NAV3: variants seen among roughly 807,000 people sequenced by gnomAD.
The protein encoded by NAV3 is pore membrane and/or filament interacting like protein 1.
A neutral mutation model predicts 244.7 loss-of-function variants in NAV3; 87 were observed. The ratio of observed to expected loss-of-function variants is 0.36; its 90% CI spans 0.30 to 0.42. The LOEUF (loss-of-function observed/expected upper bound fraction) is 0.42, where lower values mean the gene tolerates loss of function less well. NAV3 is among the 20% of genes least tolerant of loss of function. The probability of loss-of-function intolerance (pLI) is 1.00; values close to 1 mark genes in which losing one functional copy is unlikely to be tolerated. For synonymous variants in NAV3, 1,126 were observed against 1,042.2 expected (o/e 1.08, Z -1.55); for missense variants, 2,663 against 2,893.3 (o/e 0.92, Z 1.83).
At chr12:78,050,673 C>T (rs1882609827) in intron 10 of NAV3, 91 bp from the exon 11 acceptor site, 1 of 1,340,240 alleles carries the variant, frequency 7.5e-7, no homozygotes, top group Non-Finnish European at 1.0e-6. Flanking sequence ...TAAGAGATGA[C>T]CCTCAACTCC....
At chr12:78,179,727 A>C in intron 29 of NAV3, 45 bp downstream of exon 29, 2 of 1,570,972 alleles carry the variant, frequency 1.3e-6, no homozygotes, top group South Asian at 2.3e-5. Context: ...AGAAACAAAA[A>C]AATGCTGCTT....
intron 3 of NAV3, chr12:77,947,502 A>T (rs1890469740): frequency 6.6e-6 from 1 of 151,828 alleles, no homozygotes; most frequent in Admixed American, 6.6e-5. Context: ...AGGTTTAATA[A>T]AATCTTATAT....
At chr12:77,871,054 C>G (rs1056390014) in intron 1 of NAV3, among the ~76,000 whole-genome samples, 1 of 152,136 alleles carries the variant, frequency 6.6e-6, no homozygotes, top group African/African-American at 2.4e-5. Flanking sequence ...ACCGGCCCAT[C>G]ATAGGAGGCC....
intron 2 of NAV3, among the ~76,000 whole-genome samples, chr12:77,771,195 A>G (rs1173212443): frequency 6.6e-6 from 1 of 152,226 alleles, no homozygotes; most frequent in African/African-American, 2.4e-5. Context: ...AGAGAAATGC[A>G]AATCAAAACC....
chr12:78,017,939 GT>G (rs1159078441), intron 8 of NAV3, among the ~76,000 whole-genome samples: 4 of 152,150 alleles, frequency 2.6e-5, no homozygotes, highest in Non-Finnish European at 5.9e-5. Flanking sequence ...AAATTATGAG[GT>G]GGAAATACTA....
chr12:78,014,094 T>C (rs777903804), intron 8 of NAV3, among the ~76,000 whole-genome samples: 1 of 152,046 alleles, frequency 6.6e-6, no homozygotes, highest in Non-Finnish European at 1.5e-5. Flanking sequence ...TTCAAGGACA[T>C]GTGAAATAAA....
chr12:77,977,712 G>GCACACACACACA (rs540138192), intron 5 of NAV3, among the ~76,000 whole-genome samples: 76 of 143,080 alleles, frequency 5.3e-4, no homozygotes, highest in African/African-American at 1.4e-3. Context: ...ACACACACGC[G>GCACACACACACA]CACACACACA....
At chr12:77,888,820 G>A (rs1883604411) in intron 1 of NAV3, among the ~76,000 whole-genome samples, 1 of 152,130 alleles carries the variant, frequency 6.6e-6, no homozygotes, top group African/African-American at 2.4e-5. Context: ...TCTCAGAGAG[G>A]TGAGTCATAT....
intron 2 of NAV3, among the ~76,000 whole-genome samples, chr12:77,743,816 T>C (rs998476716): frequency 6.6e-6 from 1 of 151,758 alleles, no homozygotes; most frequent in Non-Finnish European, 1.5e-5. Flanking sequence ...TGACCATATC[T>C]CCATAATCAT....
At chr12:78,048,330 T>C (rs1011902731) in intron 9 of NAV3, among the ~76,000 whole-genome samples, 1 of 152,196 alleles carries the variant, frequency 6.6e-6, no homozygotes, top group Non-Finnish European at 1.5e-5. Flanking sequence ...TTTGCACTGT[T>C]TTTTTTCTCA....
intron 2 of NAV3, among the ~76,000 whole-genome samples, chr12:77,641,882 C>T (rs952631180): frequency 6.6e-6 from 1 of 152,130 alleles, no homozygotes; most frequent in African/African-American, 2.4e-5. Context: ...GGGAAAGCAA[C>T]ACCCAACCAA....
chr12:77,945,530 T>A (rs1476026207), intron 3 of NAV3, among the ~76,000 whole-genome samples: 1 of 152,194 alleles, frequency 6.6e-6, no homozygotes, highest in East Asian at 1.9e-4. Context: ...CTGTAGGGTA[T>A]AATGTACTAT....
At chr12:77,572,296 T>G (rs17791730) in intron 2 of NAV3, 4,571 of 154,414 alleles carry the variant, frequency 0.03, 99 homozygotes, top group Middle Eastern at 0.12. Context: ...GCTTGGTCCT[T>G]TTTGTTTACA....
intron 2 of NAV3, among the ~76,000 whole-genome samples, chr12:77,765,196 C>T (rs1017427014): frequency 3.3e-5 from 5 of 152,316 alleles, no homozygotes; most frequent in African/African-American, 9.6e-5. Context: ...TCCTCATGCT[C>T]CAAGATTCTC....
chr12:78,089,684 C>T (rs1953821612), intron 12 of NAV3, among the ~76,000 whole-genome samples: 1 of 152,076 alleles, frequency 6.6e-6, no homozygotes, highest in South Asian at 2.1e-4. Context: ...TGATGAGATA[C>T]TAGTTGATTC....
Position 78,006,623 on chromosome 12 carries a change from C to A in NAV3, c.1085C>A (p.Ser362Tyr), listed in dbSNP as rs372296767. 1 of 1,614,162 alleles carries A rather than the reference C, an allele frequency of 6.2e-7. No homozygotes were observed. Among genetic ancestry groups the A allele is most frequent in the Non-Finnish European group, 8.5e-7 (1 of 1,180,038 alleles). ...AGTACAGCCACCTCCCCCACACCAT[C>A]TTCAGACAGACTGAAGCCACCTGTC... ...QSSTATSPTP[S>Y]SDRLKPPVSE... Residue 362 changes from serine to tyrosine, a missense_variant, in exon 8 of 40, where the codon TCT (serine) becomes TAT (tyrosine). This residue lies in a region of NAV3 where 1,521 missense variants were observed against 1,497.0 expected (regional missense o/e 1.02). Coordinates refer to ENST00000397909, the MANE Select transcript of NAV3 (RefSeq NM_001024383.2).
chr12:77,692,759 CT>C (rs1396871076), intron 2 of NAV3, among the ~76,000 whole-genome samples: 1 of 150,274 alleles, frequency 6.7e-6, no homozygotes, highest in African/African-American at 2.5e-5. Flanking sequence ...GCAAAAATAC[CT>C]TTTTTAAAAA....
chr12:77,849,500 A>G (rs1237456910), intron 1 of NAV3, among the ~76,000 whole-genome samples: 1 of 152,196 alleles, frequency 6.6e-6, no homozygotes, highest in Non-Finnish European at 1.5e-5. Context: ...ACCTGATTTC[A>G]GGTGATGGGT....
intron 2 of NAV3, among the ~76,000 whole-genome samples, chr12:77,639,337 A>G (rs186569086): frequency 6.6e-6 from 1 of 152,308 alleles, no homozygotes; most frequent in East Asian, 1.9e-4. Flanking sequence ...CTCTGCTTTT[A>G]TGTAATTCAT....
Sources: allele counts gnomAD v4.1 joint callset (sites outside exome capture counted in the v4.1 genomes callset), GRCh38; gene constraint gnomAD v4.1.1; regional missense constraint gnomAD v4.1.1; transcripts MANE v1.5; gene names NCBI Gene and HGNC (gene_info 2026-07-23, HGNC 2026-07-21).